Variants in SH3RF2 observed in about 807,000 individuals in gnomAD.
The protein encoded by SH3RF2 is SH3 domain containing ring finger 2.
SH3RF2 carries 43 observed loss-of-function variants against 59.0 expected under a neutral mutation model. That is an observed-to-expected ratio of 0.73 (90% CI 0.57 to 0.94). The LOEUF (loss-of-function observed/expected upper bound fraction) is 0.94. Ranked by LOEUF, SH3RF2 falls within the 40% of genes least tolerant of loss-of-function variation. SH3RF2 has a pLI of 0.00. For synonymous variants in SH3RF2, 391 were observed against 391.5 expected (o/e 1.00, Z 0.01); for missense variants, 930 against 940.1 (o/e 0.99, Z 0.14).
chr5:146,060,266 C>T (rs770995816), intron 9 of SH3RF2, 42 bp downstream of exon 9: 14 of 1,512,130 alleles, frequency 9.3e-6, no homozygotes, highest in African/African-American at 4.2e-5. Context: ...CTTTCGATCC[C>T]GTACTATGCA....
chr5:146,037,290 A>G (rs1761972317), intron 5 of SH3RF2, among the ~76,000 whole-genome samples: 1 of 152,144 alleles, frequency 6.6e-6, no homozygotes, highest in African/African-American at 2.4e-5. Flanking sequence ...CCCACAGCCA[A>G]TAAGTTACAA....
rs1028986208 is a variant in SH3RF2 at position 146,062,802 on chromosome 5, T to C, written c.*101T>C. ...CTGCCATTCTTTGGGGACTTGAGCA[T>C]GGGTCCTTGTTCTTCCTATTTCACC... On this transcript the variant is annotated 3_prime_UTR_variant, in exon 10 of 10. Transcript: ENST00000359120. 6.8e-7 allele frequency: 1 copy of C among 1,467,246 alleles called. No individual in the cohort carries two copies. The highest frequency in any genetic ancestry group is 2.2e-5 in the Admixed American group (1 of 45,826). The allele number at this position is 1,467,246 out of a possible 1,614,324, so 90.9% of individuals were successfully genotyped here.
chr5:146,033,468 T>C (rs1455092794), intron 5 of SH3RF2, among the ~76,000 whole-genome samples: 5 of 67,124 alleles, frequency 7.4e-5, no homozygotes, highest in African/African-American at 1.4e-4. Context: ...TTTTTTTTTT[T>C]TTTTTTTTTT....
Position 146,025,563 on chromosome 5 carries a change from A to T in SH3RF2, c.1059+11502A>T, listed in dbSNP as rs987813105. 2.6e-5 allele frequency among the ~76,000 whole-genome samples: 4 copies of T among 152,314 alleles called. No individual in the cohort carries two copies. The South Asian group carries it at 8.3e-4, about 32-fold the overall frequency. Reference sequence around the variant, plus strand: ...TGTTTTTCCAAACTTGCATTTCTATACCAGTTTTATTTTCCTGTGTTCTGA... The same window carrying T: ...TGTTTTTCCAAACTTGCATTTCTATTCCAGTTTTATTTTCCTGTGTTCTGA... On this transcript the variant is annotated intron_variant, in intron 5 of 9. Transcript: ENST00000359120.
chr5:146,038,959 C>A (rs1762036276), intron 5 of SH3RF2, among the ~76,000 whole-genome samples: 1 of 152,194 alleles, frequency 6.6e-6, no homozygotes, highest in African/African-American at 2.4e-5. Flanking sequence ...ATGGATCTAG[C>A]ATAGGGATTC....
At chr5:146,045,381 T>C (rs1216476651) in intron 5 of SH3RF2, among the ~76,000 whole-genome samples, 1 of 152,270 alleles carries the variant, frequency 6.6e-6, no homozygotes, top group Admixed American at 6.5e-5. Flanking sequence ...TACAACTCAG[T>C]GGTTTTTAGT....
chr5:145,937,626 T>C (rs1561698318), intron 1 of SH3RF2, among the ~76,000 whole-genome samples, 197 bp from the exon 2 acceptor site: 1 of 152,162 alleles, frequency 6.6e-6, no homozygotes, highest in Non-Finnish European at 1.5e-5. Flanking sequence ...TTGTGCTGAA[T>C]GTTCCCTCTG....
intron 2 of SH3RF2, among the ~76,000 whole-genome samples, chr5:145,991,358 T>G (rs1209415052): frequency 6.6e-6 from 1 of 152,178 alleles, no homozygotes; most frequent in African/African-American, 2.4e-5. Flanking sequence ...AGTGCAGTAG[T>G]GCAATAATGT....
intron 2 of SH3RF2, among the ~76,000 whole-genome samples, chr5:145,963,135 A>G (rs1758697913): frequency 6.6e-6 from 1 of 151,272 alleles, no homozygotes; most frequent in South Asian, 2.1e-4. Context: ...CTGACCTCAT[A>G]ATCCACCCAC....
chr5:145,950,040 G>T (rs1295964958), intron 2 of SH3RF2, among the ~76,000 whole-genome samples: 2 of 148,362 alleles, frequency 1.3e-5, no homozygotes, highest in Non-Finnish European at 2.9e-5. Flanking sequence ...TGCAGGGAGG[G>T]ACCAGGAAAG....
intron 9 of SH3RF2, among the ~76,000 whole-genome samples, chr5:146,075,839 GT>G (rs1218226483): frequency 6.7e-6 from 1 of 150,364 alleles, no homozygotes; most frequent in Non-Finnish European, 1.5e-5. Context: ...ACATCAGGGG[GT>G]TTTGGTGATG....
chr5:145,938,093 T>G lies in SH3RF2; in HGVS notation c.165T>G (p.Pro55=). Residue 55 remains proline, a synonymous_variant, in exon 2 of 10, where the codon CCT becomes CCG. Coordinates refer to ENST00000359120, the MANE Select transcript of SH3RF2 (RefSeq NM_152550.4). Reference sequence around the variant, plus strand: ...TGCGGTGCCCCGAATGCAGGACGCCTGTGTTTTCCAACATTGAGGCGCTGC... The same window carrying G: ...TGCGGTGCCCCGAATGCAGGACGCCGGTGTTTTCCAACATTGAGGCGCTGC... The part of the protein sequence containing the change: ...KELRCPECRT[P]VFSNIEALPA... 1 of 1,614,246 alleles carries G rather than the reference T, an allele frequency of 6.2e-7. No individual in the cohort carries two copies. Among genetic ancestry groups the G allele is most frequent in the South Asian group, 1.1e-5 (1 of 91,090 alleles).
chr5:146,014,286 C>T (rs749892883), intron 5 of SH3RF2, among the ~76,000 whole-genome samples: 2 of 152,098 alleles, frequency 1.3e-5, no homozygotes, highest in Non-Finnish European at 2.9e-5. Flanking sequence ...TACAGTTGAG[C>T]GAACTTAGGT....
At chr5:146,064,101 T>G (rs866901779), downstream of SH3RF2, among the ~76,000 whole-genome samples, 1 of 150,842 alleles carries the variant, frequency 6.6e-6, no homozygotes, top group African/African-American at 2.4e-5. Context: ...ATAAAAAGGG[T>G]AGGACAAAGA....
At chr5:145,983,660 A>C (rs1759592277) in intron 2 of SH3RF2, among the ~76,000 whole-genome samples, 1 of 152,192 alleles carries the variant, frequency 6.6e-6, no homozygotes, top group Admixed American at 6.5e-5. Context: ...AGGCAGAAAA[A>C]GATACCTCCT....
chr5:146,021,788 C>T (rs1436336031), intron 5 of SH3RF2, among the ~76,000 whole-genome samples: 3 of 152,140 alleles, frequency 2.0e-5, no homozygotes, highest in African/African-American at 7.2e-5. Flanking sequence ...ACAGGAGAAA[C>T]CATGGCAGTC....
intron 9 of SH3RF2, among the ~76,000 whole-genome samples, chr5:146,060,792 C>T (rs1427833597): frequency 6.6e-6 from 1 of 152,184 alleles, no homozygotes; most frequent in African/African-American, 2.4e-5. Context: ...ACTCCAACTA[C>T]CTTATTGTGA....
At chr5:146,039,996 T>C (rs562235604) in intron 5 of SH3RF2, among the ~76,000 whole-genome samples, 1 of 152,186 alleles carries the variant, frequency 6.6e-6, no homozygotes, top group South Asian at 2.1e-4. Context: ...ACATTGTGAG[T>C]CCATTCATAC....
In SH3RF2 at chr5:146,068,361, C is replaced by T. The variant is rs183016917; in HGVS notation, c.*33+5627C>T. The stretch of plus-strand genomic sequence containing the variant: ...ACGGCAAAGTCCTATCAAGTCTCTC[C>T]AGCTGGGACCAAGTGCTTAGCGAGC... On this transcript the variant is annotated intron_variant, in intron 9 of 9. Coordinates refer to the SH3RF2 transcript ENST00000511217. Among the ~76,000 whole-genome samples, 25 of 152,336 alleles carry T rather than the reference C, an allele frequency of 1.6e-4. 1 individual carries two copies. The East Asian group carries it at 4.2e-3, about 26-fold the overall frequency.
Sources: allele counts gnomAD v4.1 joint callset (sites outside exome capture counted in the v4.1 genomes callset), GRCh38; gene constraint gnomAD v4.1.1; transcripts MANE v1.5; gene names NCBI Gene and HGNC (gene_info 2026-07-23, HGNC 2026-07-21).